Variants in LARGE1 observed in about 807,000 individuals in gnomAD.
LARGE1 encodes xylosyl- and glucuronyltransferase LARGE1.
A neutral mutation model predicts 87.6 loss-of-function variants in LARGE1; 43 were observed. The ratio of observed to expected loss-of-function variants is 0.49; its 90% CI spans 0.38 to 0.63. LARGE1 has a LOEUF of 0.63. LARGE1 is among the 30% of genes least tolerant of loss of function. The pLI is 0.00. For synonymous variants in LARGE1, 434 were observed against 394.6 expected (o/e 1.10, Z -1.18); for missense variants, 802 against 1,000.2 (o/e 0.80, Z 2.67).
chr22:33,848,758 G>A (rs561342413), intron 1 of LARGE1, among the ~76,000 whole-genome samples: 3 of 152,196 alleles, frequency 2.0e-5, no homozygotes, highest in Admixed American at 1.3e-4. Context: ...ATGGATCCCA[G>A]AGGGCCTCTG....
At chr22:33,419,005 A>C (rs2066601519) in intron 7 of LARGE1, among the ~76,000 whole-genome samples, 2 of 152,250 alleles carry the variant, frequency 1.3e-5, no homozygotes, top group Admixed American at 6.5e-5. Context: ...ACCCTGCTAT[A>C]AAGACATTCC....
chr22:33,386,307 C>T (rs962503005), intron 7 of LARGE1, among the ~76,000 whole-genome samples: 2 of 148,998 alleles, frequency 1.3e-5, no homozygotes, highest in African/African-American at 2.4e-5. Flanking sequence ...CTCAGATCTG[C>T]GTGATTCCAA....
At chr22:33,244,946 T>A (rs779211676) in intron 11 of LARGE1, among the ~76,000 whole-genome samples, 5 of 152,180 alleles carry the variant, frequency 3.3e-5, no homozygotes, top group Non-Finnish European at 7.3e-5. Context: ...TTAAAAAGTT[T>A]GTGGAAAAAT....
At chr22:33,301,097 C>A (rs958712200) in intron 12 of LARGE1, among the ~76,000 whole-genome samples, 3 of 152,084 alleles carry the variant, frequency 2.0e-5, no homozygotes, top group Non-Finnish European at 2.9e-5. Flanking sequence ...CAAACAGCAC[C>A]CTTAACCTCA....
chr22:33,466,675 T>A (rs1395673448), intron 6 of LARGE1, among the ~76,000 whole-genome samples: 3 of 149,006 alleles, frequency 2.0e-5, no homozygotes, highest in Non-Finnish European at 3.0e-5. Context: ...CTGGCCTCAT[T>A]CACCCCCTCT....
At chr22:33,229,347 A>C (rs745712126) in intron 11 of LARGE1, among the ~76,000 whole-genome samples, 98 of 152,144 alleles carry the variant, frequency 6.4e-4, no homozygotes, top group Non-Finnish European at 6.5e-4. Context: ...GCATCTCACA[A>C]ACTAGAAAAA....
At chr22:33,454,959 T>C (rs2068074123) in intron 6 of LARGE1, among the ~76,000 whole-genome samples, 1 of 152,184 alleles carries the variant, frequency 6.6e-6, no homozygotes, top group African/African-American at 2.4e-5. Context: ...CAAGTGGATA[T>C]GAGACTTGGG....
intron 7 of LARGE1, among the ~76,000 whole-genome samples, chr22:33,412,898 T>C (rs2066358227): frequency 6.6e-6 from 1 of 152,188 alleles, no homozygotes; most frequent in African/African-American, 2.4e-5. Flanking sequence ...TGGCCTCAGG[T>C]GATCTACCCG....
rs536127403 is a variant in LARGE1, at chr22:33,910,106, T to C, written c.-83+9889A>G. Among the ~76,000 whole-genome samples, 5 of 152,296 alleles carry C rather than the reference T, an allele frequency of 3.3e-5. No individual in the cohort carries two copies. The East Asian group carries it at 5.8e-4, about 18-fold the overall frequency. On this transcript the variant is annotated intron_variant, in intron 1 of 14. Coordinates refer to ENST00000397394, the MANE Select transcript of LARGE1 (RefSeq NM_133642.5). ...TCACTACACTGCTACCTCCTTTCTA[T>C]TGTTGCTCGTAACTGTTCATTTAAT... is the stretch of plus-strand genomic sequence containing the variant.
At chr22:33,826,478 G>A (rs1328567762) in intron 1 of LARGE1, among the ~76,000 whole-genome samples, 1 of 151,900 alleles carries the variant, frequency 6.6e-6, no homozygotes, top group Non-Finnish European at 1.5e-5. Context: ...GAGTAGCTGG[G>A]ATTACAGGCA....
chr22:33,197,363 C>T (rs1924133863), intron 11 of LARGE1, among the ~76,000 whole-genome samples: 1 of 151,782 alleles, frequency 6.6e-6, no homozygotes. Flanking sequence ...TCTTCATTTA[C>T]AGAAAATGTG....
At chr22:33,365,431 C>T (rs1300063694) in intron 9 of LARGE1, among the ~76,000 whole-genome samples, 1 of 152,202 alleles carries the variant, frequency 6.6e-6, no homozygotes, top group African/African-American at 2.4e-5. Context: ...TTAATTTTCA[C>T]TTCCCTGATG....
In LARGE1 at chr22:33,609,033, G is replaced by A. The variant is rs78063922; in HGVS notation, c.492-4475C>T. Among the ~76,000 whole-genome samples the A allele has an allele frequency of 4.3e-3, 658 of 151,996 alleles. 4 individuals are homozygous for A. Among genetic ancestry groups the A allele is most frequent in the African/African-American group, 0.015 (604 of 41,436 alleles). ...TTTTTTTCTCTACTACTTTTGCATC[G>A]CGTTTTTGATGAAGTATTTTCAATT... is the stretch of plus-strand genomic sequence containing the variant. On this transcript the variant is annotated intron_variant, in intron 4 of 14. Coordinates refer to ENST00000397394, the MANE Select transcript of LARGE1 (RefSeq NM_133642.5).
intron 2 of LARGE1, among the ~76,000 whole-genome samples, chr22:33,686,013 A>C (rs550278613): frequency 4.6e-5 from 7 of 152,326 alleles, no homozygotes; most frequent in Non-Finnish European, 8.8e-5. Flanking sequence ...GAATTCATTT[A>C]TGGTAGTATT....
the LARGE1 span, among the ~76,000 whole-genome samples, chr22:33,085,585 T>C: frequency 6.6e-6 from 1 of 152,252 alleles, no homozygotes; most frequent in Non-Finnish European, 1.5e-5. Context: ...AATTTACTAA[T>C]ATCAATACAA....
At chr22:33,440,032 T>C (rs1173189131) in intron 6 of LARGE1, among the ~76,000 whole-genome samples, 1 of 152,162 alleles carries the variant, frequency 6.6e-6, no homozygotes, top group Non-Finnish European at 1.5e-5. Flanking sequence ...TTAGCAGATT[T>C]GTACCTGATC....
chr22:33,542,052 C>T (rs932954780), intron 6 of LARGE1, among the ~76,000 whole-genome samples: 2 of 150,972 alleles, frequency 1.3e-5, no homozygotes, highest in East Asian at 1.9e-4. Context: ...ATCCCAGCTA[C>T]TCAGGAGGCT....
intron 7 of LARGE1, among the ~76,000 whole-genome samples, chr22:33,427,519 T>C (rs1198446922): frequency 1.3e-5 from 2 of 152,146 alleles, no homozygotes; most frequent in African/African-American, 2.4e-5. Context: ...GGGAAAAGTC[T>C]AGTTTATAAG....
chr22:33,159,589 T>A (rs1921958632), downstream of LARGE1, among the ~76,000 whole-genome samples: 1 of 151,678 alleles, frequency 6.6e-6, no homozygotes, highest in Non-Finnish European at 1.5e-5. Context: ...TTAAATTTTT[T>A]TTTTTTTTTT....
Sources: gnomAD v4.1 joint callset for allele counts (sites outside exome capture counted in the v4.1 genomes callset) on GRCh38, gnomAD v4.1.1 for gene constraint, MANE v1.5 for transcripts, NCBI Gene and HGNC (gene_info 2026-07-23, HGNC 2026-07-21) for gene names.